AGO2: variants seen among roughly 807,000 people sequenced by gnomAD.
AGO2 encodes the protein argonaute RISC catalytic component 2, also known as protein argonaute-2.
A neutral mutation model predicts 102.3 loss-of-function variants in AGO2; 5 were observed. The observed-to-expected ratio is 0.05, with a 90% CI of 0.03 to 0.10. The LOEUF is 0.10. Among genes scored for constraint, AGO2 ranks in the 10% least tolerant of loss-of-function variants. The probability of loss-of-function intolerance (pLI) is 1.00; values close to 1 mark genes in which losing one functional copy is unlikely to be tolerated. For synonymous variants in AGO2, 449 were observed against 473.1 expected (o/e 0.95, Z 0.66); for missense variants, 541 against 1,183.7 (o/e 0.46, Z 7.97).
chr8:140,538,183 G>C (rs1468332402), intron 16 of AGO2, among the ~76,000 whole-genome samples: 2 of 152,222 alleles, frequency 1.3e-5, no homozygotes, highest in African/African-American at 4.8e-5. Context: ...CTTAACTTCT[G>C]TTTCACCTTC....
At chr8:140,594,825 C>CTGTGTGTGTGTGTGTGTGTG (rs56012516) in intron 1 of AGO2, among the ~76,000 whole-genome samples, 3,764 of 146,004 alleles carry the variant, frequency 0.026, 53 homozygotes, top group Middle Eastern at 0.043. Context: ...AAGAAAAAAA[C>CTGTGTGTGTGTGTGTGTGTG]TGTGTGTGTG....
At chr8:140,622,091 C>T (rs377583694) in intron 1 of AGO2, among the ~76,000 whole-genome samples, 41 of 152,292 alleles carry the variant, frequency 2.7e-4, no homozygotes, top group African/African-American at 7.9e-4. Context: ...CTGATGCTGC[C>T]GTGTGAACCG....
intron 1 of AGO2, among the ~76,000 whole-genome samples, chr8:140,600,428 C>T (rs1172727343): frequency 6.6e-6 from 1 of 152,228 alleles, no homozygotes; most frequent in Non-Finnish European, 1.5e-5. Flanking sequence ...CGCCTGTAAT[C>T]CCAGCATTTT....
Position 140,520,901 on chromosome 8 carries a change from C to T in AGO2, c.*11143G>A, listed in dbSNP as rs1280635020. On this transcript the variant is annotated 3_prime_UTR_variant, in exon 19 of 19. Coordinates refer to ENST00000220592, the MANE Select transcript of AGO2 (RefSeq NM_012154.5). The stretch of plus-strand genomic sequence containing the variant: ...TTCTAATATAGGGCAACCTTCGAGC[C>T]AGATATTGCAGCAATTTTTTTAAAT... 1 of 152,100 alleles carries T rather than the reference C, an allele frequency of 6.6e-6. No homozygotes were observed. Among genetic ancestry groups the T allele is most frequent in the Non-Finnish European group, 1.5e-5 (1 of 68,024 alleles). The allele number at this position is 152,100 out of a possible 1,614,324, so 9.4% of individuals were successfully genotyped here. A position where few individuals can be genotyped will look rare whatever the true frequency, so the allele number is the denominator to read the frequency against.
At chr8:140,611,342 T>C (rs1391349111) in intron 1 of AGO2, among the ~76,000 whole-genome samples, 1 of 151,812 alleles carries the variant, frequency 6.6e-6, no homozygotes, top group South Asian at 2.1e-4. Flanking sequence ...TTTTTTTTTT[T>C]CTTGATATGG....
intron 1 of AGO2, among the ~76,000 whole-genome samples, chr8:140,586,472 C>T (rs573933238): frequency 3.3e-5 from 5 of 152,270 alleles, no homozygotes; most frequent in East Asian, 1.9e-4. Context: ...GGTGACAGAG[C>T]GAGACTCCAT....
chr8:140,634,089 G>C (rs959687041), intron 1 of AGO2, among the ~76,000 whole-genome samples: 6 of 152,226 alleles, frequency 3.9e-5, no homozygotes, highest in African/African-American at 1.4e-4. Flanking sequence ...GCCTCTAGAG[G>C]CCAGCACCTG....
At chr8:140,585,068 G>A (rs2073631526) in intron 2 of AGO2, 51 bp downstream of exon 2, 1 of 1,517,168 alleles carries the variant, frequency 6.6e-7, no homozygotes, top group Non-Finnish European at 9.0e-7. Flanking sequence ...TAAATGCCGT[G>A]TCTGTCCGCG....
At chr8:140,585,362 G>A (rs373881188) in intron 1 of AGO2, 51 bp from the exon 2 acceptor site, 63 of 1,580,252 alleles carry the variant, frequency 4.0e-5, no homozygotes, top group East Asian at 9.0e-5. Context: ...CTTGCTCTGC[G>A]GCCCTTCCCA....
chr8:140,550,777 G>A (rs1296791743), intron 11 of AGO2, among the ~76,000 whole-genome samples: 1 of 152,030 alleles, frequency 6.6e-6, no homozygotes, highest in Non-Finnish European at 1.5e-5. Context: ...ACCACGCTTG[G>A]CTAATTTTTC....
upstream of AGO2, among the ~76,000 whole-genome samples, chr8:140,639,494 A>AT (rs71320386): frequency 6.6e-6 from 1 of 150,910 alleles, no homozygotes; most frequent in Admixed American, 6.6e-5. Context: ...AAAAAAAAAA[A>AT]CTAAGCAGGC....
intron 1 of AGO2, among the ~76,000 whole-genome samples, chr8:140,598,950 G>A (rs546070459): frequency 2.0e-4 from 30 of 152,202 alleles, no homozygotes; most frequent in African/African-American, 6.5e-4. Flanking sequence ...ACAGAAACGC[G>A]ACAACAGAGG....
intron 1 of AGO2, among the ~76,000 whole-genome samples, chr8:140,632,301 C>T (rs1390625146): frequency 2.0e-5 from 3 of 152,244 alleles, no homozygotes; most frequent in South Asian, 2.1e-4. Flanking sequence ...GCGATGGCCT[C>T]GGCCATGTCA....
At chr8:140,576,070 G>A in intron 2 of AGO2, among the ~76,000 whole-genome samples, 1 of 152,140 alleles carries the variant, frequency 6.6e-6, no homozygotes, top group East Asian at 1.9e-4. Flanking sequence ...TATAATCTCA[G>A]CACTTTGGGA....
intron 14 of AGO2, 158 bp from the exon 15 acceptor site, chr8:140,541,516 T>G: frequency 1.5e-6 from 1 of 658,096 alleles, no homozygotes; most frequent in Non-Finnish European, 2.5e-6. Context: ...GAACTCAGCC[T>G]TTAGGCTTTT....
chr8:140,636,408 G>A (rs1347837929), upstream of AGO2: 2 of 152,232 alleles, frequency 1.3e-5, no homozygotes, highest in Non-Finnish European at 2.9e-5. Flanking sequence ...GGGTCCGTCT[G>A]GTTTTCGGAG....
At chr8:140,597,480 C>CCCCCCCCCCCCCCCCCCCCCCCA (rs2073864620) in intron 1 of AGO2, among the ~76,000 whole-genome samples, 1 of 132,124 alleles carries the variant, frequency 7.6e-6, no homozygotes, top group Non-Finnish European at 1.6e-5. Context: ...CCCCACCCCC[C>CCCCCCCCCCCCCCCCCCCCCCCA]CCCCCCCGCC....
chr8:140,525,277 T>G lies in AGO2; in HGVS notation c.*6767A>C, dbSNP rs2072482628. 6.6e-6 allele frequency: 1 copy of G among 152,244 alleles called. No homozygotes were observed. Among genetic ancestry groups the G allele is most frequent in the African/African-American group, 2.4e-5 (1 of 41,466 alleles). The allele number at this position is 152,244 out of a possible 1,614,324, so 9.4% of individuals were successfully genotyped here. A position where few individuals can be genotyped will look rare whatever the true frequency, so the allele number is the denominator to read the frequency against. On this transcript the variant is annotated 3_prime_UTR_variant, in exon 19 of 19. Transcript: ENST00000220592. ...AGATGCGCGTGCAGGAAGCTTGCGG[T>G]GGATCTGCGTGCTGCAGCTCCCATG...
intron 10 of AGO2, among the ~76,000 whole-genome samples, chr8:140,555,020 A>G (rs977890217): frequency 2.0e-5 from 3 of 152,226 alleles, no homozygotes; most frequent in Non-Finnish European, 4.4e-5. Context: ...AAACAAACAA[A>G]CAAACAAAAA....
Sources: gnomAD v4.1 joint callset for allele counts (sites outside exome capture counted in the v4.1 genomes callset) on GRCh38, gnomAD v4.1.1 for gene constraint, MANE v1.5 for transcripts, NCBI Gene and HGNC (gene_info 2026-07-23, HGNC 2026-07-21) for gene names.